Variants in SORCS1 observed in about 807,000 individuals in gnomAD.
The protein encoded by SORCS1 is VPS10 domain-containing receptor SorCS1.
A neutral mutation model predicts 146.1 loss-of-function variants in SORCS1; 60 were observed. The observed-to-expected ratio is 0.41, with a 90% CI of 0.33 to 0.51. The LOEUF (loss-of-function observed/expected upper bound fraction) is 0.51, where lower values mean the gene tolerates loss of function less well. SORCS1 is among the 20% of genes least tolerant of loss of function. The pLI is 0.21. For missense variants in SORCS1, 1,352 were observed against 1,487.6 expected, an observed-to-expected ratio of 0.91 and a Z score of 1.50; for synonymous variants, 637 against 584.0, an observed-to-expected ratio of 1.09 and a Z score of -1.31.
chr10:106,934,328 G>C (rs1362064470), intron 2 of SORCS1, among the ~76,000 whole-genome samples: 2 of 151,964 alleles, frequency 1.3e-5, no homozygotes, highest in African/African-American at 4.8e-5. Flanking sequence ...TGCGATCTCA[G>C]ATCACTGCGA....
At chr10:106,726,536 T>C (rs1008764687) in intron 6 of SORCS1, among the ~76,000 whole-genome samples, 40 of 152,024 alleles carry the variant, frequency 2.6e-4, no homozygotes, top group Non-Finnish European at 4.1e-4. Context: ...CAGAGAGTGA[T>C]GGCCTCATTG....
chr10:106,843,486 C>T (rs1306097751), intron 2 of SORCS1, among the ~76,000 whole-genome samples: 5 of 128,582 alleles, frequency 3.9e-5, no homozygotes, highest in South Asian at 2.5e-4. Flanking sequence ...CTGGAGAGTG[C>T]AGTGGCGCGA....
At chr10:106,804,717 G>A (rs1452597415) in intron 3 of SORCS1, among the ~76,000 whole-genome samples, 2 of 152,224 alleles carry the variant, frequency 1.3e-5, no homozygotes, top group African/African-American at 4.8e-5. Flanking sequence ...ACTTTTCCTA[G>A]CATGGTGCAC....
chr10:107,055,240 G>A (rs190747951), intron 1 of SORCS1, among the ~76,000 whole-genome samples: 94 of 152,168 alleles, frequency 6.2e-4, no homozygotes, highest in African/African-American at 2.1e-3. Flanking sequence ...GTTACTTTCC[G>A]TGTTCTAAAC....
At chr10:107,143,782 G>C (rs967533944) in intron 1 of SORCS1, among the ~76,000 whole-genome samples, 2 of 152,024 alleles carry the variant, frequency 1.3e-5, no homozygotes, top group Non-Finnish European at 2.9e-5. Context: ...GGGATTATGG[G>C]TGTGAGCCAC....
chr10:106,818,634 A>C (rs1460656415), intron 3 of SORCS1, among the ~76,000 whole-genome samples: 1 of 152,198 alleles, frequency 6.6e-6, no homozygotes, highest in East Asian at 1.9e-4. Context: ...TACAGGTGTG[A>C]GCCACCACCT....
intron 24 of SORCS1, among the ~76,000 whole-genome samples, chr10:106,581,696 C>T (rs1564742017): frequency 6.6e-6 from 1 of 152,158 alleles, no homozygotes; most frequent in Non-Finnish European, 1.5e-5. Flanking sequence ...CCAGTCCCCA[C>T]AACCTCCAAC....
At chr10:106,778,943 T>A (rs1860675272) in intron 3 of SORCS1, among the ~76,000 whole-genome samples, 2 of 152,216 alleles carry the variant, frequency 1.3e-5, no homozygotes, top group South Asian at 4.1e-4. Context: ...CAAGCTGATT[T>A]TTATCAATCA....
chr10:106,781,392 C>A (rs928261347), intron 3 of SORCS1, among the ~76,000 whole-genome samples: 1 of 152,094 alleles, frequency 6.6e-6, no homozygotes, highest in African/African-American at 2.4e-5. Flanking sequence ...GGGCTGGAAT[C>A]AAGCAGAGGT....
intron 1 of SORCS1, among the ~76,000 whole-genome samples, chr10:107,109,129 G>A (rs964738222): frequency 3.3e-5 from 5 of 152,312 alleles, no homozygotes; most frequent in African/African-American, 1.2e-4. Context: ...GGGGCATGGT[G>A]CAAGCTGCCA....
chr10:106,660,828 TC>T (rs976148722), intron 17 of SORCS1, among the ~76,000 whole-genome samples: 1 of 151,924 alleles, frequency 6.6e-6, no homozygotes, highest in Non-Finnish European at 1.5e-5. Flanking sequence ...TGTACCTTCT[TC>T]CATGAGGAAT....
chr10:106,834,089 G>A (rs956772503), intron 2 of SORCS1, among the ~76,000 whole-genome samples: 3 of 152,134 alleles, frequency 2.0e-5, no homozygotes, highest in Non-Finnish European at 4.4e-5. Context: ...CACCACGCCC[G>A]GTCATGGAAG....
intron 1 of SORCS1, among the ~76,000 whole-genome samples, chr10:107,004,607 T>C (rs1372111658): frequency 1.3e-5 from 2 of 152,068 alleles, no homozygotes; most frequent in Non-Finnish European, 2.9e-5. Flanking sequence ...CTTTGACTTG[T>C]GGGGATTATT....
rs1372963329 is a variant in SORCS1 at position 106,706,198 on chromosome 10, GAAAGAAAGAAA to G, written c.1233+336_1233+346del. 1.9e-3 allele frequency among the ~76,000 whole-genome samples: 267 copies of G among 138,794 alleles called. 1 individual carries two copies. The highest frequency in any genetic ancestry group is 6.8e-3 in the African/African-American group (254 of 37,118). 91.1% of individuals were successfully genotyped at this position (138,794 alleles called of 152,430 possible). ...AACAATCTCAGAGACAGAGAAGAAA[GAAAGAAAGAAA>G]AAAGAAAGAAAGAGAAAAAGAGAAA... On this transcript the variant is annotated intron_variant, in intron 8 of 25. Coordinates refer to ENST00000263054, the MANE Select transcript of SORCS1 (RefSeq NM_052918.5).
intron 2 of SORCS1, among the ~76,000 whole-genome samples, chr10:106,927,734 T>C (rs1953137457): frequency 6.6e-6 from 1 of 152,028 alleles, no homozygotes; most frequent in African/African-American, 2.4e-5. Context: ...GTTCTCCAAG[T>C]CCCCACCAGA....
At chr10:107,072,993 T>C (rs575068320) in intron 1 of SORCS1, among the ~76,000 whole-genome samples, 2 of 152,192 alleles carry the variant, frequency 1.3e-5, no homozygotes, top group African/African-American at 2.4e-5. Context: ...TAGAGTTCAC[T>C]GGGCTAGGAA....
At position 106,810,409 on chromosome 10, in the gene SORCS1, T is replaced by C. The variant is rs182905197; in HGVS notation, c.726+19165A>G. Among the ~76,000 whole-genome samples, 228 of 152,296 alleles carry C rather than the reference T, an allele frequency of 1.5e-3. 1 individual carries two copies. The highest frequency in any genetic ancestry group is 4.8e-3 in the African/African-American group (200 of 41,562). ...AAATACCTGCAATTTTTTAAAAAAA[T>C]GTTCTTCTTTCAAGGGCTCTTTGAA... On this transcript the variant is annotated intron_variant, in intron 3 of 25. Coordinates refer to ENST00000263054, the MANE Select transcript of SORCS1 (RefSeq NM_052918.5).
At chr10:106,766,814 G>C (rs1462312783) in intron 4 of SORCS1, among the ~76,000 whole-genome samples, 4 of 152,208 alleles carry the variant, frequency 2.6e-5, no homozygotes, top group Non-Finnish European at 5.9e-5. Flanking sequence ...TGTTGTAGTG[G>C]CCTATGTTGT....
intron 2 of SORCS1, among the ~76,000 whole-genome samples, chr10:106,884,719 T>G (rs977905529): frequency 1.3e-5 from 2 of 152,194 alleles, no homozygotes; most frequent in Admixed American, 6.5e-5. Flanking sequence ...TTAGGAAAAC[T>G]GCCACCCTGC....
Sources: gnomAD v4.1 joint callset for allele counts (sites outside exome capture counted in the v4.1 genomes callset) on GRCh38, gnomAD v4.1.1 for gene constraint, MANE v1.5 for transcripts, NCBI Gene and HGNC (gene_info 2026-07-23, HGNC 2026-07-21) for gene names.